The following NELL1 variants were observed in gnomAD, a reference collection of about 807,000 sequenced individuals.
NELL1 encodes protein kinase C-binding protein NELL1.
Under a neutral mutation model 107.4 loss-of-function variants are expected in NELL1, and 76 were observed. That is an observed-to-expected ratio of 0.71 (90% CI 0.59 to 0.86). NELL1 has a LOEUF of 0.86. Among genes scored for constraint, NELL1 ranks in the 40% least tolerant of loss-of-function variants. The pLI, the probability that NELL1 is intolerant of heterozygous loss-of-function variation, is 0.00. For synonymous variants in NELL1, 353 were observed against 341.2 expected (o/e 1.03, Z -0.38); for missense variants, 1,024 against 1,005.5 (o/e 1.02, Z -0.25).
intron 3 of NELL1, among the ~76,000 whole-genome samples, chr11:20,799,746 A>G (rs117901105): frequency 0.018 from 2,695 of 152,298 alleles, 30 homozygotes; most frequent in South Asian, 0.032. Context: ...GTTATACTGC[A>G]TGATGCTGAG....
At chr11:20,850,367 T>A (rs981262342) in intron 4 of NELL1, among the ~76,000 whole-genome samples, 3 of 152,244 alleles carry the variant, frequency 2.0e-5, no homozygotes, top group Admixed American at 6.5e-5. Flanking sequence ...AGTGTTCTGC[T>A]GATTAGAGTA....
chr11:21,442,434 C>T (rs921303463), intron 15 of NELL1, among the ~76,000 whole-genome samples: 8 of 152,124 alleles, frequency 5.3e-5, no homozygotes, highest in African/African-American at 1.9e-4. Context: ...TCAGAGGAGA[C>T]ACCCAAGAAA....
intron 14 of NELL1, among the ~76,000 whole-genome samples, chr11:21,346,519 T>C (rs897818981): frequency 4.1e-5 from 6 of 147,854 alleles, no homozygotes; most frequent in African/African-American, 1.5e-4. Flanking sequence ...AAATAAATTA[T>C]ATATAATTTA....
At chr11:21,091,540 C>G (rs1479850904) in intron 12 of NELL1, among the ~76,000 whole-genome samples, 1 of 152,156 alleles carries the variant, frequency 6.6e-6, no homozygotes, top group East Asian at 1.9e-4. Flanking sequence ...CTAGGGTCTA[C>G]TGTTATCTCA....
chr11:21,157,327 A>G (rs1191483506), intron 13 of NELL1, among the ~76,000 whole-genome samples: 1 of 152,172 alleles, frequency 6.6e-6, no homozygotes, highest in African/African-American at 2.4e-5. Flanking sequence ...TCTTCCTCAC[A>G]TAAATAGAAC....
chr11:21,182,864 C>G (rs995388775), intron 13 of NELL1, among the ~76,000 whole-genome samples: 19 of 151,796 alleles, frequency 1.3e-4, no homozygotes, highest in Admixed American at 2.0e-4. Context: ...CAAATGGGAA[C>G]CAAGTACTGC....
chr11:21,500,986 T>G (rs1022509118), intron 15 of NELL1, among the ~76,000 whole-genome samples: 2 of 152,152 alleles, frequency 1.3e-5, no homozygotes, highest in African/African-American at 4.8e-5. Flanking sequence ...TTACTGATTG[T>G]AGGGGGCTAC....
At chr11:20,875,747 G>C (rs1849291249) in intron 4 of NELL1, among the ~76,000 whole-genome samples, 1 of 152,214 alleles carries the variant, frequency 6.6e-6, no homozygotes, top group Non-Finnish European at 1.5e-5. Context: ...TTTAAGCAGA[G>C]AGAAGGGTTG....
rs182598063 is a variant in NELL1 at position 21,336,310 on chromosome 11, T to C, written c.1550-34543T>C. On this transcript the variant is annotated intron_variant, in intron 14 of 19. Coordinates refer to ENST00000357134, the MANE Select transcript of NELL1 (RefSeq NM_006157.5). ...AAGCCTTTTTATATACAGTATCTTA[T>C]TGAAGCTCACAACTCTCCATACGTT... 2.3e-4 allele frequency among the ~76,000 whole-genome samples: 35 copies of C among 152,174 alleles called. No homozygotes were observed. The East Asian group carries it at 5.6e-3, about 24-fold the overall frequency.
intron 5 of NELL1, among the ~76,000 whole-genome samples, chr11:20,903,268 A>G (rs74823236): frequency 0.018 from 2,712 of 152,148 alleles, 90 homozygotes; most frequent in African/African-American, 0.061. Context: ...CTCACATTCA[A>G]TGCAATGGTG....
intron 2 of NELL1, among the ~76,000 whole-genome samples, chr11:20,708,901 G>T (rs999829913): frequency 1.3e-5 from 2 of 152,128 alleles, no homozygotes; most frequent in South Asian, 4.1e-4. Context: ...ATGGTTTCAG[G>T]ATGAAGCTGT....
chr11:21,471,639 T>G (rs1433032919), intron 15 of NELL1, among the ~76,000 whole-genome samples: 1 of 152,064 alleles, frequency 6.6e-6, no homozygotes, highest in Admixed American at 6.6e-5. Flanking sequence ...AATTCAGTGA[T>G]GAAGTAGTGC....
Position 21,447,864 on chromosome 11 carries a change from C to T in NELL1, c.1645+76916C>T, listed in dbSNP as rs186093351. 3.2e-4 allele frequency among the ~76,000 whole-genome samples: 49 copies of T among 152,238 alleles called. No individual in the cohort carries two copies. In the East Asian group the frequency reaches 5.6e-3, roughly 17 times the overall value. On this transcript the variant is annotated intron_variant, in intron 15 of 19. Coordinates refer to ENST00000357134, the MANE Select transcript of NELL1 (RefSeq NM_006157.5). The stretch of plus-strand genomic sequence containing the variant: ...AGCACATCAAGTATATTTAGGACCC[C>T]AGAGCACTGTAGCCTGCAGTGCCAG...
intron 13 of NELL1, among the ~76,000 whole-genome samples, chr11:21,137,285 C>A (rs1035653024): frequency 6.6e-6 from 1 of 152,042 alleles, no homozygotes; most frequent in Non-Finnish European, 1.5e-5. Flanking sequence ...ATGTAGAGAC[C>A]TGGAGGTGGA....
intron 14 of NELL1, among the ~76,000 whole-genome samples, chr11:21,362,576 G>C (rs767960619): frequency 6.6e-6 from 1 of 151,552 alleles, no homozygotes; most frequent in Non-Finnish European, 1.5e-5. Flanking sequence ...TCTGAGATCA[G>C]AGTTATTCTG....
intron 5 of NELL1, among the ~76,000 whole-genome samples, chr11:20,908,861 A>G (rs1487064018): frequency 6.6e-6 from 1 of 152,198 alleles, no homozygotes; most frequent in Non-Finnish European, 1.5e-5. Context: ...AGGGACTCAA[A>G]CAGACACTTG....
At chr11:21,127,934 C>T (rs888659979) in intron 13 of NELL1, among the ~76,000 whole-genome samples, 1 of 152,084 alleles carries the variant, frequency 6.6e-6, no homozygotes, top group Non-Finnish European at 1.5e-5. Context: ...GCCTCTCTGT[C>T]TTCATTTGTT....
intron 12 of NELL1, among the ~76,000 whole-genome samples, chr11:21,076,424 A>G (rs1219445647): frequency 6.6e-6 from 1 of 152,216 alleles, no homozygotes; most frequent in East Asian, 1.9e-4. Context: ...TGACCTGGAA[A>G]TAGTACATGT....
At chr11:20,862,733 C>T (rs111347265) in intron 4 of NELL1, among the ~76,000 whole-genome samples, 3 of 149,586 alleles carry the variant, frequency 2.0e-5, no homozygotes, top group African/African-American at 7.4e-5. Flanking sequence ...CTCTGGCTTT[C>T]CTAGGCAGAG....
Sources: allele counts gnomAD v4.1 joint callset (sites outside exome capture counted in the v4.1 genomes callset), GRCh38; gene constraint gnomAD v4.1.1; transcripts MANE v1.5; gene names NCBI Gene and HGNC (gene_info 2026-07-23, HGNC 2026-07-21).